GNAT2: variants seen among roughly 807,000 people sequenced by gnomAD.
GNAT2 encodes G protein subunit alpha transducin 2.
GNAT2 carries 32 observed loss-of-function variants against 40.9 expected under a neutral mutation model. The observed-to-expected ratio is 0.78, with a 90% CI of 0.59 to 1.05. GNAT2 has a LOEUF of 1.05. GNAT2 is among the 50% of genes least tolerant of loss of function. The probability of loss-of-function intolerance (pLI) is 0.00; values close to 1 mark genes in which losing one functional copy is unlikely to be tolerated. For synonymous variants in GNAT2, 141 were observed against 157.2 expected (o/e 0.90, Z 0.77); for missense variants, 355 against 431.5 (o/e 0.82, Z 1.57).
rs1013898023 is a variant in GNAT2, at chr1:109,619,596, G to A, written c.-167C>T. On this transcript the variant is annotated 5_prime_UTR_variant, in exon 1 of 9. In the 5' UTR this introduces an upstream ATG that the reference lacks. Coordinates refer to ENST00000679935, the MANE Select transcript of GNAT2 (RefSeq NM_001377295.2). ...CTACCTTTCACTGGGCCCTCACTTC[G>A]TGCCAGGCACTGTGTAAAGGGACTT... is the stretch of plus-strand genomic sequence containing the variant. 3.9e-5 allele frequency: 6 copies of A among 152,432 alleles called. No individual in the cohort carries two copies. Among genetic ancestry groups the A allele is most frequent in the East Asian group, 1.9e-4 (1 of 5,200 alleles). 9.4% of individuals were successfully genotyped at this position (152,432 alleles called of 1,614,324 possible).
chr1:109,605,179 G>A (rs11587687), intron 7 of GNAT2: 62,787 of 152,038 alleles, frequency 0.41, 13,988 homozygotes, highest in East Asian at 0.64. Context: ...CATTTTTCAC[G>A]CCTCTAACCT....
At chr1:109,611,816 A>C (rs942718396) in intron 2 of GNAT2, 5 of 152,114 alleles carry the variant, frequency 3.3e-5, no homozygotes, top group Non-Finnish European at 7.3e-5. Context: ...CAGCTTACAA[A>C]GATATGCTCC....
intron 1 of GNAT2, chr1:109,617,611 A>G (rs1649987001): frequency 6.6e-6 from 1 of 152,206 alleles, no homozygotes; most frequent in Non-Finnish European, 1.5e-5. Flanking sequence ...AGCAGCAACA[A>G]TACACCAGAT....
chr1:109,619,259 A>G (rs1650053262), intron 1 of GNAT2, among the ~76,000 whole-genome samples: 2 of 152,222 alleles, frequency 1.3e-5, no homozygotes, highest in Admixed American at 1.3e-4. Flanking sequence ...CAGTTAACTT[A>G]TATTAACTCA....
intron 7 of GNAT2, chr1:109,605,391 G>C (rs1440839910): frequency 6.0e-6 from 1 of 165,406 alleles, no homozygotes; most frequent in Non-Finnish European, 1.3e-5. Flanking sequence ...TAGAACTCCT[G>C]TCCTACAGAA....
intron 6 of GNAT2, 38 bp from the exon 7 acceptor site, chr1:109,606,137 AC>A (rs1649585430): frequency 6.2e-7 from 1 of 1,611,944 alleles, no homozygotes; most frequent in East Asian, 2.2e-5. Context: ...GGTATGCCCA[AC>A]ATACGACCTA....
At position 109,603,472 on chromosome 1, in the gene GNAT2, A is replaced by C; in HGVS notation, c.947T>G (p.Val316Gly). The change falls in exon 9 of 9, where the codon GTC (valine) becomes GGC (glycine). Residue 316 changes from valine (V) to glycine (G), a missense_variant. Transcript: ENST00000679935. The part of the protein sequence containing the change: ...QFLDLNMRKD[V>G]KEIYSHMTCA... ...GGTCATGTGACTGTAGATTTCTTTG[A>C]CATCTTTTCGCATATTGAGGTCAAG... The C allele has an allele frequency of 6.2e-7, 1 of 1,605,942 alleles. No homozygotes were observed. The highest frequency in any genetic ancestry group is 8.5e-7 in the Non-Finnish European group (1 of 1,172,578).
intron 1 of GNAT2, among the ~76,000 whole-genome samples, chr1:109,618,790 G>A (rs1650034560): frequency 6.6e-6 from 1 of 152,116 alleles, no homozygotes; most frequent in African/African-American, 2.4e-5. Context: ...TTTTAAGTTT[G>A]TTCAGGGAAC....
Position 109,603,317 on chromosome 1 carries a change from C to T in GNAT2, c.*37G>A. On this transcript the variant is annotated 3_prime_UTR_variant, in exon 9 of 9. Transcript: ENST00000679935. ...TGTTTTTAATTACCCAGATTCCAAG[C>T]CTGTTTATAGAACTTATACCTGAGG... 8.6e-7 allele frequency: 1 copy of T among 1,165,478 alleles called. No homozygotes were observed. Among genetic ancestry groups the T allele is most frequent in the South Asian group, 1.2e-5 (1 of 81,976 alleles). The allele number at this position is 1,165,478 out of a possible 1,614,324, so 72.2% of individuals were successfully genotyped here. A position where few individuals can be genotyped will look rare whatever the true frequency, so the allele number is the denominator to read the frequency against.
intron 2 of GNAT2, chr1:109,612,497 G>A (rs1557921334): frequency 2.1e-6 from 1 of 482,124 alleles, no homozygotes; most frequent in Non-Finnish European, 3.8e-6. Context: ...GGTTCATGGT[G>A]GCCCTTGCAC....
At chr1:109,603,591 G>A in intron 8 of GNAT2, 47 bp from the exon 9 acceptor site, 2 of 1,219,968 alleles carry the variant, frequency 1.6e-6, no homozygotes, top group Non-Finnish European at 2.4e-6. Context: ...ATGAACCCTT[G>A]TTAGTTGCTG....
chr1:109,604,131 T>TA lies in GNAT2; in HGVS notation c.721-28dup, dbSNP rs772899362. Reference sequence around the variant, plus strand: ...TAGTAAGAGGAAACACCATTGGAAATATCAGATTTGGCTTATAGAATATCT... The same window carrying TA: ...TAGTAAGAGGAAACACCATTGGAAATAATCAGATTTGGCTTATAGAATATCT... On this transcript the variant is annotated intron_variant, in intron 7 of 8. Coordinates refer to ENST00000679935, the MANE Select transcript of GNAT2 (RefSeq NM_001377295.2). The TA allele has an allele frequency of 8.2e-6, 13 of 1,588,238 alleles. No individual in the cohort carries two copies. In the East Asian group the frequency reaches 2.7e-4, roughly 33 times the overall value.
chr1:109,606,377 A>T lies in GNAT2; in HGVS notation c.521T>A (p.Val174Glu), dbSNP rs1649595728. The T allele has an allele frequency of 6.2e-7, 1 of 1,611,744 alleles. No homozygotes were observed. Among genetic ancestry groups the T allele is most frequent in the African/African-American group, 1.3e-5 (1 of 74,878 alleles). ...CGTGGTTTTGACTCTGGATCGGAGC[A>T]CATCTTGCTCACTAGGGAGGTACTC... ...DPEYLPSEQD[V>E]LRSRVKTTGI... Residue 174 changes from valine to glutamate, a missense_variant, in exon 6 of 9, where the codon GTG (valine) becomes GAG (glutamate). Val to Glu is a moderately radical substitution (Grantham distance 121, BLOSUM62 -2). Transcript: ENST00000679935.
At chr1:109,603,879 G>T in intron 8 of GNAT2, 72 bp downstream of exon 8, 1 of 1,124,456 alleles carries the variant, frequency 8.9e-7, no homozygotes, top group Non-Finnish European at 1.3e-6. Flanking sequence ...GTGTCATCTT[G>T]GCCTAAAAAA....
Position 109,603,325 on chromosome 1 carries a change from T to C in GNAT2, c.*29A>G, listed in dbSNP as rs769373925. On this transcript the variant is annotated 3_prime_UTR_variant, in exon 9 of 9. Coordinates refer to ENST00000679935, the MANE Select transcript of GNAT2 (RefSeq NM_001377295.2). ...ATTACCCAGATTCCAAGCCTGTTTATAGAACTTATACCTGAGGAATGGTGA... is the reference window on the plus strand; with the variant it reads ...ATTACCCAGATTCCAAGCCTGTTTACAGAACTTATACCTGAGGAATGGTGA... 23 of 1,299,166 alleles carry C rather than the reference T, an allele frequency of 1.8e-5. No individual in the cohort carries two copies. Among genetic ancestry groups the C allele is most frequent in the Non-Finnish European group, 2.3e-5 (21 of 894,158 alleles). 80.5% of individuals were successfully genotyped at this position (1,299,166 alleles called of 1,614,324 possible).
intron 8 of GNAT2, 59 bp downstream of exon 8, chr1:109,603,892 A>G (rs1476475098): frequency 7.9e-7 from 1 of 1,264,298 alleles, no homozygotes; most frequent in Non-Finnish European, 1.2e-6. Flanking sequence ...CTAAAAAATG[A>G]GACAATTGCC....
chr1:109,608,563 C>T, intron 5 of GNAT2, 68 bp downstream of exon 5: 2 of 1,512,274 alleles, frequency 1.3e-6, no homozygotes, highest in South Asian at 2.2e-5. Flanking sequence ...AGGTTTCTCC[C>T]AACCAGAGAG....
At chr1:109,606,596 T>C (rs998985233) in intron 5 of GNAT2, 160 bp from the exon 6 acceptor site, 1 of 644,916 alleles carries the variant, frequency 1.6e-6, no homozygotes, top group South Asian at 1.7e-5. Context: ...AACCTTCATA[T>C]GTCATTAACT....
chr1:109,610,471 T>C lies in GNAT2; in HGVS notation c.155A>G (p.Gln52Arg). 1 of 1,613,812 alleles carries C rather than the reference T, an allele frequency of 6.2e-7. No individual in the cohort carries two copies. The highest frequency in any genetic ancestry group is 8.5e-7 in the Non-Finnish European group (1 of 1,179,722). Residue 52 changes from glutamine to arginine, a missense_variant, in exon 3 of 9, where the codon CAG becomes CGG. Gln to Arg is a conservative substitution (Grantham distance 43, BLOSUM62 1). Coordinates refer to ENST00000679935, the MANE Select transcript of GNAT2 (RefSeq NM_001377295.2). ...GESGKSTIVK[Q>R]MKIIHQDGYS... ...GGGCTTTGTTTCTACTCACTTCATCTGTTTGACGATGGTGCTCTTTCCTGA... is the reference window on the plus strand; with the variant it reads ...GGGCTTTGTTTCTACTCACTTCATCCGTTTGACGATGGTGCTCTTTCCTGA...
Sources: allele counts gnomAD v4.1 joint callset (sites outside exome capture counted in the v4.1 genomes callset), GRCh38; gene constraint gnomAD v4.1.1; transcripts MANE v1.5; gene names NCBI Gene and HGNC (gene_info 2026-07-23, HGNC 2026-07-21).